Variants in RNF123 observed in about 807,000 individuals in gnomAD.
The protein encoded by RNF123 is ring finger protein 123.
RNF123 carries 86 observed loss-of-function variants against 168.5 expected under a neutral mutation model. That is an observed-to-expected ratio of 0.51 (90% CI 0.43 to 0.61). The LOEUF (loss-of-function observed/expected upper bound fraction) is 0.61. RNF123 is among the 20% of genes least tolerant of loss of function. The pLI is 0.00. For synonymous variants in RNF123, 666 were observed against 689.1 expected, an observed-to-expected ratio of 0.97 and a Z score of 0.52; for missense variants, 1,419 against 1,729.7, an observed-to-expected ratio of 0.82 and a Z score of 3.19.
chr3:49,702,451 A>G (rs1400519916), intron 19 of RNF123, 46 bp downstream of exon 19: 1 of 1,605,748 alleles, frequency 6.2e-7, no homozygotes, highest in South Asian at 1.1e-5. Context: ...CGGCTGCACT[A>G]CACATGCCAT....
At chr3:49,701,773 G>T (rs1462849230) in intron 16 of RNF123, 38 bp from the exon 17 acceptor site, 1 of 1,549,858 alleles carries the variant, frequency 6.5e-7, no homozygotes, top group Non-Finnish European at 8.8e-7. Flanking sequence ...CTAGGTCCCA[G>T]GTGACCCTGC....
intron 26 of RNF123, among the ~76,000 whole-genome samples, chr3:49,709,556 T>TC (rs1477853581): frequency 1.3e-5 from 2 of 152,100 alleles, no homozygotes. Flanking sequence ...CGCCTCGGCC[T>TC]CCCAAAGTGC....
chr3:49,692,007 G>A (rs2054175247), intron 3 of RNF123, among the ~76,000 whole-genome samples: 1 of 152,244 alleles, frequency 6.6e-6, no homozygotes, highest in Non-Finnish European at 1.5e-5. Flanking sequence ...ACTTTGGGAG[G>A]CCAAGGTGGG....
At position 49,699,482 on chromosome 3, in the gene RNF123, G is replaced by T. The variant is rs1293826244; in HGVS notation, c.779G>T (p.Gly260Val). Residue 260 changes from glycine to valine, a missense_variant, in exon 11 of 39, where the codon GGC (glycine) becomes GTC (valine). Transcript: ENST00000327697. The surrounding 1 kb of genome is among the most constrained non-coding windows in gnomAD (Gnocchi z 4.8). The stretch of plus-strand genomic sequence containing the variant: ...AACTCTGGCACCTACCCAGTGGCAG[G>T]CTACCGGCCCCTGCAGGACCCACCG... ...GSRPLRYPVA[G>V]YRPLQDPPSA... 6.2e-7 allele frequency: 1 copy of T among 1,605,288 alleles called. No individual in the cohort carries two copies. The highest frequency in any genetic ancestry group is 8.5e-7 in the Non-Finnish European group (1 of 1,176,338).
chr3:49,697,340 G>T (rs777239729), intron 4 of RNF123, 23 bp from the exon 5 acceptor site: 1 of 1,604,628 alleles, frequency 6.2e-7, no homozygotes, highest in South Asian at 1.1e-5. Context: ...CACCCTGCCT[G>T]ACCCCACCTC....
Sources: allele counts gnomAD v4.1 joint callset (sites outside exome capture counted in the v4.1 genomes callset), GRCh38; gene constraint gnomAD v4.1.1; non-coding constraint Gnocchi (gnomAD v3.1); transcripts MANE v1.5; gene names NCBI Gene and HGNC (gene_info 2026-07-23, HGNC 2026-07-21).